Variants in ORMDL3 observed in about 807,000 individuals in gnomAD.
The protein encoded by ORMDL3 is ORMDL sphingolipid biosynthesis regulator 3.
Under a neutral mutation model 12.6 loss-of-function variants are expected in ORMDL3, and 6 were observed. That is an observed-to-expected ratio of 0.48 (90% confidence interval 0.26 to 0.94). ORMDL3 has a LOEUF of 0.94. Among genes scored for constraint, ORMDL3 ranks in the 40% least tolerant of loss-of-function variants. ORMDL3 has a pLI of 0.14. For synonymous variants in ORMDL3, 99 were observed against 87.2 expected (o/e 1.14, Z -0.75); for missense variants, 159 against 205.5 (o/e 0.77, Z 1.38).
intron 2 of ORMDL3, 42 bp from the exon 3 acceptor site, chr17:39,923,305 G>A (rs1978312067): frequency 2.5e-6 from 4 of 1,601,544 alleles, no homozygotes; most frequent in African/African-American, 1.3e-5. Context: ...AAAGGGAAAG[G>A]CCCCCCTGCC....
Position 39,923,247 on chromosome 17 carries a change from A to G in ORMDL3, c.191T>C (p.Leu64Pro). 6.2e-7 allele frequency: 1 copy of G among 1,614,178 alleles called. No homozygotes were observed. Among genetic ancestry groups the G allele is most frequent in the Non-Finnish European group, 8.5e-7 (1 of 1,180,000 alleles). The change falls in exon 3 of 4, where the codon CTG (leucine) becomes CCG (proline). Residue 64 changes from leucine (L) to proline (P), a missense_variant. Transcript: ENST00000304046. ...LIHNMGMYIF[L>P]HTVKGTPFET... Reference sequence around the variant, plus strand: ...AAAGGGTGTCCCCTTCACCGTGTGCAGGAAGATATACATGCCCTGGAGGAA... The same window carrying G: ...AAAGGGTGTCCCCTTCACCGTGTGCGGGAAGATATACATGCCCTGGAGGAA...
chr17:39,926,723 C>A (rs957359448), intron 1 of ORMDL3: 1 of 922,928 alleles, frequency 1.1e-6, no homozygotes, highest in Non-Finnish European at 1.3e-6. Context: ...GTATGCCAGA[C>A]ACTCAAGCCA....
At chr17:39,923,031 G>A (rs944659929) in intron 3 of ORMDL3, 81 bp downstream of exon 3, 8 of 1,552,270 alleles carry the variant, frequency 5.2e-6, no homozygotes, top group Middle Eastern at 1.9e-4. Context: ...GCCACGGCAG[G>A]GTTAATAAGC....
Position 39,923,142 on chromosome 17 carries a change from C to T in ORMDL3, c.296G>A (p.Arg99Gln), listed in dbSNP as rs1301282025. The change falls in exon 3 of 4, where the codon CGG becomes CAG. Residue 99 changes from arginine to glutamine, a missense_variant. Physicochemically the swap from Arg to Gln is conservative, Grantham distance 43. Transcript: ENST00000304046. ...GATGGGTGTGATGGTCAAGAACTTC[C>T]GAGAGGCCGTGAACTGGACCCCATA... The part of the protein sequence containing the change: ...MDYGVQFTAS[R>Q]KFLTITPIVL... 1.2e-6 allele frequency: 2 copies of T among 1,614,110 alleles called. No homozygotes were observed. The highest frequency in any genetic ancestry group is 1.7e-6 in the Non-Finnish European group (2 of 1,180,048).
chr17:39,926,617 A>T, intron 1 of ORMDL3: 1 of 233,598 alleles, frequency 4.3e-6, no homozygotes, highest in Non-Finnish European at 7.0e-6. Flanking sequence ...GCCTGCAGCA[A>T]CTCTGTTGTG....
At position 39,921,227 on chromosome 17, in the gene ORMDL3, T is replaced by G. The variant is rs1486006212; in HGVS notation, c.*1323A>C. 3.3e-5 allele frequency: 5 copies of G among 152,716 alleles called. No individual in the cohort carries two copies. The highest frequency in any genetic ancestry group is 1.2e-4 in the African/African-American group (5 of 41,446). 9.5% of individuals were successfully genotyped at this position (152,716 alleles called of 1,614,324 possible). ...GACCTCTCCCGTTCCCTTGGACCCC[T>G]GGAAGAGGACACAGGGACCCACACC... On this transcript the variant is annotated 3_prime_UTR_variant, in exon 4 of 4. Coordinates refer to ENST00000304046, the MANE Select transcript of ORMDL3 (RefSeq NM_139280.4).
chr17:39,924,330 G>C, intron 1 of ORMDL3, 105 bp from the exon 2 acceptor site: 1 of 1,065,748 alleles, frequency 9.4e-7, no homozygotes, highest in Non-Finnish European at 1.3e-6. Flanking sequence ...GAGAACTCCA[G>C]GCAGTTCCAC....
Position 39,924,114 on chromosome 17 carries a change from G to A in ORMDL3, c.90C>T (p.Ile30=), listed in dbSNP as rs115299835. The change falls in exon 2 of 4, where the codon ATC becomes ATT. Residue 30 remains isoleucine (I), a synonymous_variant. Transcript: ENST00000304046. Reference sequence around the variant, plus strand: ...TCAGCAGCACGATGTGGAGGAGACCGATGGCCAGCACGTAGGAGAGCCAGA... The same window carrying A: ...TCAGCAGCACGATGTGGAGGAGACCAATGGCCAGCACGTAGGAGAGCCAGA... ...RGIWLSYVLA[I]GLLHIVLLSI... is the part of the protein sequence containing the mutation. 743 of 1,614,122 alleles carry A rather than the reference G, an allele frequency of 4.6e-4. 2 individuals are homozygous for A. In the African/African-American group the frequency reaches 8.7e-3, roughly 19 times the overall value.
intron 2 of ORMDL3, 28 bp downstream of exon 2, chr17:39,924,002 C>T (rs1978319718): frequency 1.9e-6 from 3 of 1,567,414 alleles, no homozygotes; most frequent in African/African-American, 1.3e-5. Flanking sequence ...GGGGCAGGGG[C>T]AGGGGCAGGC....
In ORMDL3 at chr17:39,927,539, G is replaced by C; in HGVS notation, c.-78C>G. On this transcript the variant is annotated 5_prime_UTR_variant, in exon 1 of 4. Coordinates refer to ENST00000304046, the MANE Select transcript of ORMDL3 (RefSeq NM_139280.4). ...ACGGTTCCCGGGAGCGGGGGCCGCT[G>C]CTGCTCCAGCAGCTGTAACAACCCG... The C allele has an allele frequency of 2.0e-6, 2 of 985,492 alleles. No individual in the cohort carries two copies. Among genetic ancestry groups the C allele is most frequent in the Non-Finnish European group, 2.4e-6 (2 of 829,976 alleles). 61.0% of individuals were successfully genotyped at this position (985,492 alleles called of 1,614,324 possible).
At chr17:39,927,055 C>A in intron 1 of ORMDL3, 1 of 957,240 alleles carries the variant, frequency 1.0e-6, no homozygotes, top group Non-Finnish European at 1.2e-6. Flanking sequence ...AGCGAAGAGG[C>A]GGAGTCCTCA....
intron 1 of ORMDL3, chr17:39,926,310 G>A (rs1978415434): frequency 6.6e-6 from 1 of 152,250 alleles, no homozygotes; most frequent in African/African-American, 2.4e-5. Context: ...AACACTAGGT[G>A]CCCTGAGAGC....
Position 39,923,341 on chromosome 17 carries a change from C to T in ORMDL3, c.175-78G>A, listed in dbSNP as rs1978312506. 3.3e-6 allele frequency: 5 copies of T among 1,500,998 alleles called. No individual in the cohort carries two copies. The African/African-American group carries it at 4.1e-5, about 12-fold the overall frequency. 93.0% of individuals were successfully genotyped at this position (1,500,998 alleles called of 1,614,324 possible). A position where few individuals can be genotyped will look rare whatever the true frequency, so the allele number is the denominator to read the frequency against. On this transcript the variant is annotated intron_variant, in intron 2 of 3. Transcript: ENST00000304046. ...CAGCTCCTCCACCCAGTCACAGACA[C>T]AAGTAACTCCCAGTGATCTGGAGCC...
Position 39,924,204 on chromosome 17 carries a change from C to A in ORMDL3, c.-1G>T, listed in dbSNP as rs200114178. On this transcript the variant is annotated 5_prime_UTR_variant, in exon 2 of 4. Transcript: ENST00000304046. ...CGCTGTGCGCTGTGCCCACATTCAT[C>A]CTGCTGCCCCTCTCTGCTGTTCTGC... is the stretch of plus-strand genomic sequence containing the variant. 1.9e-6 allele frequency: 3 copies of A among 1,600,270 alleles called. No homozygotes were observed. Among genetic ancestry groups the A allele is most frequent in the Non-Finnish European group, 2.6e-6 (3 of 1,172,514 alleles).
chr17:39,924,251 CAGGTCA>C, intron 1 of ORMDL3, 26 bp from the exon 2 acceptor site: 1 of 1,551,024 alleles, frequency 6.4e-7, no homozygotes, highest in Non-Finnish European at 8.7e-7. Flanking sequence ...ACAGGTCAGA[CAGGTCA>C]CACTGCTTTC....
At chr17:39,926,835 G>A in intron 1 of ORMDL3, 1 of 985,926 alleles carries the variant, frequency 1.0e-6, no homozygotes, top group Non-Finnish European at 1.2e-6. Context: ...TTCTGGAAGA[G>A]GAGCACAAAA....
rs1451521517 is a variant in ORMDL3, at chr17:39,927,541, T to C, written c.-80A>G. 3.0e-6 allele frequency: 3 copies of C among 985,366 alleles called. No individual in the cohort carries two copies. Among genetic ancestry groups the C allele is most frequent in the Non-Finnish European group, 3.6e-6 (3 of 829,986 alleles). 61.0% of individuals were successfully genotyped at this position (985,366 alleles called of 1,614,324 possible). ...GGTTCCCGGGAGCGGGGGCCGCTGC[T>C]GCTCCAGCAGCTGTAACAACCCGCG... On this transcript the variant is annotated 5_prime_UTR_variant, in exon 1 of 4. Transcript: ENST00000304046.
intron 1 of ORMDL3, chr17:39,926,779 C>G: frequency 1.0e-6 from 1 of 985,926 alleles, no homozygotes; most frequent in Non-Finnish European, 1.2e-6. Context: ...CCTTCCCATT[C>G]CCTCCCCCAG....
Position 39,922,153 on chromosome 17 carries a change from C to T in ORMDL3, c.*397G>A, listed in dbSNP as rs1436121478. The T allele has an allele frequency of 6.0e-6, 1 of 165,970 alleles. No homozygotes were observed. Among genetic ancestry groups the T allele is most frequent in the African/African-American group, 2.4e-5 (1 of 41,762 alleles). The allele number at this position is 165,970 out of a possible 1,614,324, so 10.3% of individuals were successfully genotyped here. A position where few individuals can be genotyped will look rare whatever the true frequency, so the allele number is the denominator to read the frequency against. ...AACAATCCAGAAGCCGTACCGCCCT[C>T]TGCTCCCTATGCAGGGGTTAAAGTG... is the stretch of plus-strand genomic sequence containing the variant. On this transcript the variant is annotated 3_prime_UTR_variant, in exon 4 of 4. Coordinates refer to ENST00000304046, the MANE Select transcript of ORMDL3 (RefSeq NM_139280.4).
Sources: allele counts gnomAD v4.1 joint callset, GRCh38; gene constraint gnomAD v4.1.1; transcripts MANE v1.5; gene names NCBI Gene and HGNC (gene_info 2026-07-23, HGNC 2026-07-21).